XIRP2: variants seen among roughly 807,000 people sequenced by gnomAD.
XIRP2 encodes the protein xin actin binding repeat containing 2, also known as xin actin-binding repeat-containing protein 2.
A neutral mutation model predicts 277.0 loss-of-function variants in XIRP2; 236 were observed. That is an observed-to-expected ratio of 0.85 (90% CI 0.77 to 0.95). The LOEUF (loss-of-function observed/expected upper bound fraction) is 0.95, where lower values mean the gene tolerates loss of function less well. Among genes scored for constraint, XIRP2 ranks in the 40% least tolerant of loss-of-function variants. XIRP2 has a pLI of 0.00. For synonymous variants in XIRP2, 1,490 were observed against 1,416.5 expected (o/e 1.05, Z -1.17); for missense variants, 4,640 against 4,157.5 (o/e 1.12, Z -3.19).
intron 3 of XIRP2, among the ~76,000 whole-genome samples, chr2:167,200,980 G>T (rs141786391): frequency 0.042 from 6,309 of 151,880 alleles, 438 homozygotes; most frequent in African/African-American, 0.14. Flanking sequence ...ACAAAAATTA[G>T]CCGGGTGTGG....
chr2:167,150,151 A>T (rs1038873217), intron 3 of XIRP2, among the ~76,000 whole-genome samples: 20 of 125,974 alleles, frequency 1.6e-4, no homozygotes, highest in African/African-American at 5.9e-4. Flanking sequence ...TTCATTCCTT[A>T]AAAAAAAATC....
At chr2:167,106,900 G>A (rs188750743) in intron 2 of XIRP2, among the ~76,000 whole-genome samples, 84 of 150,810 alleles carry the variant, frequency 5.6e-4, no homozygotes, top group Middle Eastern at 3.5e-3. Flanking sequence ...TTATATTTAC[G>A]TGTATTTTGT....
intron 3 of XIRP2, among the ~76,000 whole-genome samples, chr2:167,178,103 T>C (rs886148329): frequency 2.6e-5 from 4 of 151,904 alleles, no homozygotes; most frequent in African/African-American, 7.2e-5. Flanking sequence ...AGGTGAAAAG[T>C]ATTGTTTCAT....
At chr2:167,221,857 GT>G (rs1694443542) in intron 5 of XIRP2, among the ~76,000 whole-genome samples, 1 of 152,164 alleles carries the variant, frequency 6.6e-6, no homozygotes, top group Non-Finnish European at 1.5e-5. Flanking sequence ...TGGAAATCAA[GT>G]TTAATTAGAG....
intron 10 of XIRP2, among the ~76,000 whole-genome samples, chr2:167,255,578 C>A (rs1383758173): frequency 1.3e-5 from 2 of 151,812 alleles, no homozygotes; most frequent in Non-Finnish European, 2.9e-5. Flanking sequence ...ATTTCATTAT[C>A]AAAACATTTA....
intron 2 of XIRP2, among the ~76,000 whole-genome samples, chr2:167,082,280 C>T (rs535870977): frequency 6.6e-6 from 1 of 152,098 alleles, no homozygotes; most frequent in African/African-American, 2.4e-5. Flanking sequence ...TGAACTCATC[C>T]TTTTTTATGG....
At chr2:166,959,537 C>A (rs557369377) in intron 2 of XIRP2, among the ~76,000 whole-genome samples, 2 of 151,684 alleles carry the variant, frequency 1.3e-5, no homozygotes, top group East Asian at 2.0e-4. Flanking sequence ...GGATGGGAAA[C>A]CAAAAAGCAA....
At chr2:167,086,114 A>G (rs1387769571) in intron 2 of XIRP2, among the ~76,000 whole-genome samples, 1 of 151,874 alleles carries the variant, frequency 6.6e-6, no homozygotes, top group Admixed American at 6.6e-5. Flanking sequence ...CACTTCCTTC[A>G]GGAGCTCTTT....
At chr2:167,210,036 T>C (rs1036954083) in intron 3 of XIRP2, among the ~76,000 whole-genome samples, 1 of 152,168 alleles carries the variant, frequency 6.6e-6, no homozygotes, top group African/African-American at 2.4e-5. Flanking sequence ...GATGGCTTCA[T>C]GGGTAAATAT....
chr2:166,960,071 A>G (rs1310078041), intron 2 of XIRP2, among the ~76,000 whole-genome samples: 1 of 151,774 alleles, frequency 6.6e-6, no homozygotes, highest in African/African-American at 2.4e-5. Context: ...TAAACTTACT[A>G]TTTTAAAAAT....
At chr2:167,023,771 T>A (rs569830950) in intron 2 of XIRP2, among the ~76,000 whole-genome samples, 3 of 152,138 alleles carry the variant, frequency 2.0e-5, no homozygotes, top group African/African-American at 4.8e-5. Context: ...GTTGTAGATA[T>A]GCGGCATTAT....
In XIRP2 at chr2:167,257,870, G is replaced by A; in HGVS notation, c.*53G>A. 2 of 1,588,908 alleles carry A rather than the reference G, an allele frequency of 1.3e-6. No homozygotes were observed. The highest frequency in any genetic ancestry group is 8.5e-7 in the Non-Finnish European group (1 of 1,170,504). Reference sequence around the variant, plus strand: ...TCTTTTTGGCAGTTTGGGAAATTATGCATCACTTCATGGACAAATATACTG... The same window carrying A: ...TCTTTTTGGCAGTTTGGGAAATTATACATCACTTCATGGACAAATATACTG... On this transcript the variant is annotated 3_prime_UTR_variant, in exon 11 of 11. Coordinates refer to ENST00000409195, the MANE Select transcript of XIRP2 (RefSeq NM_152381.6).
At chr2:167,106,499 C>T (rs192195261) in intron 2 of XIRP2, among the ~76,000 whole-genome samples, 43 of 151,626 alleles carry the variant, frequency 2.8e-4, no homozygotes, top group Admixed American at 9.2e-4. Flanking sequence ...GACCTTTTTC[C>T]GGGTTCTATA....
intron 2 of XIRP2, among the ~76,000 whole-genome samples, chr2:166,960,695 T>G (rs1686278443): frequency 1.3e-5 from 2 of 151,740 alleles, no homozygotes; most frequent in Non-Finnish European, 2.9e-5. Flanking sequence ...GCCAGAAAAT[T>G]TGGATCAATA....
intron 2 of XIRP2, among the ~76,000 whole-genome samples, chr2:167,029,977 T>C (rs1688292988): frequency 6.6e-6 from 1 of 152,140 alleles, no homozygotes; most frequent in African/African-American, 2.4e-5. Context: ...CTTTTTCTTA[T>C]AGATTTTTCT....
At chr2:166,967,245 C>T (rs1686457890) in intron 2 of XIRP2, among the ~76,000 whole-genome samples, 2 of 151,830 alleles carry the variant, frequency 1.3e-5, no homozygotes. Context: ...AGAAGATAGA[C>T]TCACTGTTAA....
rs78639834 is a variant in XIRP2 at position 167,007,393 on chromosome 2, A to T, written c.408+103503A>T. Among the ~76,000 whole-genome samples the T allele has an allele frequency of 6.7e-3, 1,017 of 151,814 alleles. 12 individuals carry two copies. The highest frequency in any genetic ancestry group is 0.023 in the African/African-American group (955 of 41,492). ...AACAAAATGTTAGAGCTGAAATTAGATTATAAACTGTAGTCATTAATTTAG... is the reference window on the plus strand; with the variant it reads ...AACAAAATGTTAGAGCTGAAATTAGTTTATAAACTGTAGTCATTAATTTAG... On this transcript the variant is annotated intron_variant, in intron 2 of 10. Transcript: ENST00000409195.
chr2:167,136,263 AACT>A (rs1251886287), intron 3 of XIRP2, among the ~76,000 whole-genome samples: 1 of 152,154 alleles, frequency 6.6e-6, no homozygotes, highest in African/African-American at 2.4e-5. Flanking sequence ...AGATTTTTAA[AACT>A]AAATAGAATA....
At chr2:167,171,896 A>G (rs567036952) in intron 3 of XIRP2, among the ~76,000 whole-genome samples, 4 of 152,312 alleles carry the variant, frequency 2.6e-5, no homozygotes, top group South Asian at 2.1e-4. Context: ...TAGTGTCTTC[A>G]TGACACATGT....
Sources: allele counts gnomAD v4.1 joint callset (sites outside exome capture counted in the v4.1 genomes callset), GRCh38; gene constraint gnomAD v4.1.1; transcripts MANE v1.5; gene names NCBI Gene and HGNC (gene_info 2026-07-23, HGNC 2026-07-21).